DCLRE1B: variants seen among roughly 807,000 people sequenced by gnomAD.
The protein encoded by DCLRE1B is DNA cross-link repair 1B.
In DCLRE1B, 6 loss-of-function variants were observed where a neutral mutation model predicts 19.8. That is an observed-to-expected ratio of 0.30 (90% confidence interval 0.17 to 0.60). The LOEUF (loss-of-function observed/expected upper bound fraction) is 0.60. DCLRE1B is among the 20% of genes least tolerant of loss of function. The pLI is 0.87. For missense variants in DCLRE1B, 622 were observed against 654.2 expected (o/e 0.95, Z 0.54); for synonymous variants, 258 against 255.7 (o/e 1.01, Z -0.09).
At chr1:113,906,880 CT>C in intron 1 of DCLRE1B, 115 bp from the exon 2 acceptor site, 1 of 1,135,280 alleles carries the variant, frequency 8.8e-7, no homozygotes, top group East Asian at 2.4e-5. Context: ...ACAGCTTCTG[CT>C]CCCGGTGGCT....
chr1:113,907,963 ATTC>A, intron 2 of DCLRE1B, 43 bp from the exon 3 acceptor site: 3 of 1,570,050 alleles, frequency 1.9e-6, no homozygotes, highest in African/African-American at 1.4e-5. Flanking sequence ...CTTGTCTTCT[ATTC>A]TTTTGTCTCT....
chr1:113,907,216 T>TTTTTTTTTTTTTTTTG (rs1669063865), intron 2 of DCLRE1B, 55 bp downstream of exon 2: 1 of 1,169,656 alleles, frequency 8.5e-7, no homozygotes, highest in African/African-American at 1.9e-5. Context: ...TTTTTTTTTT[T>TTTTTTTTTTTTTTTTG]TTTTTTTTTT....
At chr1:113,910,504 T>C (rs997584859) in intron 3 of DCLRE1B, among the ~76,000 whole-genome samples, 12 of 152,134 alleles carry the variant, frequency 7.9e-5, no homozygotes, top group African/African-American at 2.2e-4. Flanking sequence ...TGTATACTTT[T>C]TTTGTTTTTT....
chr1:113,907,409 CT>C (rs1439223881), intron 2 of DCLRE1B, among the ~76,000 whole-genome samples: 2 of 151,732 alleles, frequency 1.3e-5, no homozygotes, highest in Non-Finnish European at 2.9e-5. Context: ...CGCTGGAGGC[CT>C]TCTAACTTCA....
chr1:113,911,270 T>C lies in DCLRE1B; in HGVS notation c.678T>C (p.Ala226=). The C allele has an allele frequency of 6.2e-7, 1 of 1,614,166 alleles. No homozygotes were observed. Among genetic ancestry groups the C allele is most frequent in the Non-Finnish European group, 8.5e-7 (1 of 1,180,030 alleles). Residue 226 remains alanine, a synonymous_variant, in exon 4 of 4, where the codon GCT becomes GCC. Transcript: ENST00000650450. ...ATGTGTTCACAGTGGAGGAGAAGGC[T>C]GGCCGCATCCATGCAGTAGACCATA... ...LADVFTVEEK[A]GRIHAVDHME... is the part of the protein sequence containing the mutation.
intron 3 of DCLRE1B, among the ~76,000 whole-genome samples, chr1:113,909,447 A>G (rs1414385685): frequency 6.6e-6 from 1 of 152,210 alleles, no homozygotes; most frequent in African/African-American, 2.4e-5. Context: ...CTACAAAAGG[A>G]CAAAGACTTG....
intron 2 of DCLRE1B, among the ~76,000 whole-genome samples, 184 bp downstream of exon 2, chr1:113,907,345 A>G (rs1239258921): frequency 1.3e-5 from 2 of 150,400 alleles, no homozygotes; most frequent in Non-Finnish European, 3.0e-5. Flanking sequence ...GGCACAAGCC[A>G]CCACACCTGG....
rs1161355642 is a variant in DCLRE1B at position 113,907,096 on chromosome 1, C to G, written c.290C>G (p.Ala97Gly). ...QETMTVTLLD[A>G]NHCPGSVMFL... ...ACCATGACCGTAACCCTCCTCGATG[C>G]CAATCACTGTCCTGGTTCTGTCATG... The change falls in exon 2 of 4, where the codon GCC becomes GGC. Residue 97 changes from alanine (A) to glycine (G), a missense_variant. Transcript: ENST00000650450. The G allele has an allele frequency of 6.2e-7, 1 of 1,613,240 alleles. No individual in the cohort carries two copies.
chr1:113,911,336 C>T lies in DCLRE1B; in HGVS notation c.744C>T (p.Thr248=). The change falls in exon 4 of 4, where the codon ACC becomes ACT. Residue 248 remains threonine (T), a synonymous_variant. Transcript: ENST00000650450. ...CCAACATGCTGCGTTGGAACCAGAC[C>T]CACCCTACGATTGCTATCCTTCCCA... ...CHSNMLRWNQ[T]HPTIAILPTS... The T allele has an allele frequency of 6.2e-7, 1 of 1,614,100 alleles. No homozygotes were observed. The highest frequency in any genetic ancestry group is 8.5e-7 in the Non-Finnish European group (1 of 1,180,030).
chr1:113,907,882 T>G, intron 2 of DCLRE1B, 127 bp from the exon 3 acceptor site: 1 of 1,008,420 alleles, frequency 9.9e-7, no homozygotes, highest in Admixed American at 2.5e-5. Flanking sequence ...CCTAGTTCAG[T>G]GCCAGGCTAC....
chr1:113,905,563 A>G lies in DCLRE1B; in HGVS notation c.-24A>G. Reference sequence around the variant, plus strand: ...GCCCTGCCCCCGTGGAGAAGATCCCACTGGTGACTCCAACCCTACCACCAT... The same window carrying G: ...GCCCTGCCCCCGTGGAGAAGATCCCGCTGGTGACTCCAACCCTACCACCAT... On this transcript the variant is annotated 5_prime_UTR_variant, in exon 1 of 4. Transcript: ENST00000650450. 3.1e-6 allele frequency: 5 copies of G among 1,610,804 alleles called. No individual in the cohort carries two copies. Among genetic ancestry groups the G allele is most frequent in the Non-Finnish European group, 4.2e-6 (5 of 1,178,674 alleles).
rs1281680091 is a variant in DCLRE1B at position 113,911,813 on chromosome 1, A to G, written c.1221A>G (p.Lys407=). The G allele has an allele frequency of 6.2e-7, 1 of 1,614,230 alleles. No individual in the cohort carries two copies. Among genetic ancestry groups the G allele is most frequent in the Admixed American group, 1.7e-5 (1 of 60,026 alleles). The change falls in exon 4 of 4, where the codon AAA becomes AAG. Residue 407 remains lysine, a synonymous_variant. Transcript: ENST00000650450. ...KKQLFPDLYS[K]EWNKAVPFCE... Reference sequence around the variant, plus strand: ...AGTTGTTCCCAGATCTCTATAGCAAAGAATGGAACAAGGCAGTGCCTTTCT... The same window carrying G: ...AGTTGTTCCCAGATCTCTATAGCAAGGAATGGAACAAGGCAGTGCCTTTCT...
At position 113,912,288 on chromosome 1, in the gene DCLRE1B, C is replaced by T; in HGVS notation, c.*97C>T. 1.6e-6 allele frequency: 2 copies of T among 1,271,884 alleles called. No individual in the cohort carries two copies. Among genetic ancestry groups the T allele is most frequent in the Non-Finnish European group, 2.1e-6 (2 of 935,022 alleles). The allele number at this position is 1,271,884 out of a possible 1,614,324, so 78.8% of individuals were successfully genotyped here. ...GGAAAGAGTTTGTTTTTGGGGCCTA[C>T]TTTTCTATCTTTACAAGACTCTTAT... On this transcript the variant is annotated 3_prime_UTR_variant, in exon 4 of 4. Transcript: ENST00000650450.
chr1:113,908,342 T>C lies in DCLRE1B; in HGVS notation c.538+151T>C, dbSNP rs11102702. ...TTGCAACCTGGCTAGGTGTGGTGGT[T>C]CATGCCTATAATCCCAGCACTTTGG... On this transcript the variant is annotated intron_variant, in intron 3 of 3. Transcript: ENST00000650450. The C allele has an allele frequency of 0.18, 190,137 of 1,083,766 alleles. 21,757 individuals carry two copies. The highest frequency in any genetic ancestry group is 0.56 in the East Asian group (20,513 of 36,618). The allele number at this position is 1,083,766 out of a possible 1,614,324, so 67.1% of individuals were successfully genotyped here.
rs1281845798 is a variant in DCLRE1B, at chr1:113,906,981, T to G, written c.190-15T>G. The G allele has an allele frequency of 1.2e-6, 2 of 1,613,556 alleles. No homozygotes were observed. Among genetic ancestry groups the G allele is most frequent in the Non-Finnish European group, 1.7e-6 (2 of 1,179,792 alleles). On this transcript the variant is annotated splice_polypyrimidine_tract_variant and intron_variant, in intron 1 of 3. Coordinates refer to ENST00000650450, the MANE Select transcript of DCLRE1B (RefSeq NM_022836.4). The stretch of plus-strand genomic sequence containing the variant: ...AGGAGTCAGTGGTCACTGGGATGAC[T>G]AACTGTTTTCTCAGGTATCTAAGCA...
chr1:113,910,244 C>T (rs1003684870), intron 3 of DCLRE1B, among the ~76,000 whole-genome samples: 38 of 152,266 alleles, frequency 2.5e-4, no homozygotes, highest in African/African-American at 8.9e-4. Flanking sequence ...CTCAGTGGCT[C>T]CCCTTCACTT....
rs1322700390 is a variant in DCLRE1B, at chr1:113,913,068, C to T, written c.*877C>T. ...CTGGGATATTTGTTGCTCCCCTCAC[C>T]CCTTGGATTATGTAGGGAGCCAGTG... On this transcript the variant is annotated 3_prime_UTR_variant, in exon 4 of 4. Coordinates refer to ENST00000650450, the MANE Select transcript of DCLRE1B (RefSeq NM_022836.4). 6.5e-6 allele frequency: 1 copy of T among 152,758 alleles called. No individual in the cohort carries two copies. Among genetic ancestry groups the T allele is most frequent in the Admixed American group, 6.5e-5 (1 of 15,280 alleles). 9.5% of individuals were successfully genotyped at this position (152,758 alleles called of 1,614,324 possible). A position where few individuals can be genotyped will look rare whatever the true frequency, so the allele number is the denominator to read the frequency against.
intron 2 of DCLRE1B, 148 bp from the exon 3 acceptor site, chr1:113,907,861 C>A: frequency 1.3e-6 from 1 of 785,894 alleles, no homozygotes; most frequent in Non-Finnish European, 2.0e-6. Flanking sequence ...AGAAACCATG[C>A]AGCTATACTG....
chr1:113,911,454 G>A lies in DCLRE1B; in HGVS notation c.862G>A (p.Ala288Thr). 6.2e-7 allele frequency: 1 copy of A among 1,614,216 alleles called. No individual in the cohort carries two copies. ...SYSELRAFVA[A>T]LKPCQVVPIV... Reference sequence around the variant, plus strand: ...CTCCGAGCTTCGTGCCTTTGTCGCAGCACTGAAGCCTTGCCAGGTGGTGCC... The same window carrying A: ...CTCCGAGCTTCGTGCCTTTGTCGCAACACTGAAGCCTTGCCAGGTGGTGCC... Residue 288 changes from alanine to threonine, a missense_variant, in exon 4 of 4, where the codon GCA becomes ACA. By Grantham distance (58) the Ala-to-Thr change is moderately conservative. Transcript: ENST00000650450.
Sources: allele counts gnomAD v4.1 joint callset (sites outside exome capture counted in the v4.1 genomes callset), GRCh38; gene constraint gnomAD v4.1.1; transcripts MANE v1.5; gene names NCBI Gene and HGNC (gene_info 2026-07-23, HGNC 2026-07-21).